RBFOX1: variants seen among roughly 807,000 people sequenced by gnomAD.
The protein encoded by RBFOX1 is RNA binding fox-1 homolog 1, also known as RNA binding protein fox-1 homolog 1.
A neutral mutation model predicts 57.7 loss-of-function variants in RBFOX1; 8 were observed. The ratio of observed to expected loss-of-function variants is 0.14; its 90% CI spans 0.08 to 0.25. The LOEUF (loss-of-function observed/expected upper bound fraction) is 0.25, where lower values mean the gene tolerates loss of function less well. Among genes scored for constraint, RBFOX1 ranks in the 10% least tolerant of loss-of-function variants. The pLI is 1.00. For missense variants in RBFOX1, 611 were observed against 548.5 expected, an observed-to-expected ratio of 1.11 and a Z score of -1.14; for synonymous variants, 326 against 222.4, an observed-to-expected ratio of 1.47 and a Z score of -4.15.
chr16:7,451,969 A>G (rs943418974), intron 4 of RBFOX1, among the ~76,000 whole-genome samples: 12 of 152,176 alleles, frequency 7.9e-5, no homozygotes, highest in African/African-American at 2.2e-4. Context: ...TTGGAAAGAG[A>G]AAGGAACAGA....
chr16:7,498,868 T>C (rs963499195), intron 4 of RBFOX1, among the ~76,000 whole-genome samples: 7 of 152,184 alleles, frequency 4.6e-5, no homozygotes, highest in Admixed American at 1.3e-4. Context: ...ATGAAAATTG[T>C]CATGCGCCCC....
intron 4 of RBFOX1, among the ~76,000 whole-genome samples, chr16:7,221,581 A>T (rs1340842316): frequency 6.6e-6 from 1 of 152,088 alleles, no homozygotes; most frequent in Non-Finnish European, 1.5e-5. Flanking sequence ...TGGCCAGGGT[A>T]GTCTTGAACT....
chr16:6,707,415 A>G (rs966482303), intron 3 of RBFOX1, among the ~76,000 whole-genome samples: 15 of 150,562 alleles, frequency 1.0e-4, no homozygotes, highest in African/African-American at 3.7e-4. Context: ...AGCTCCTACA[A>G]TTGTCTTCCT....
intron 2 of RBFOX1, among the ~76,000 whole-genome samples, chr16:6,537,102 G>C (rs763463393): frequency 6.6e-6 from 1 of 152,000 alleles, no homozygotes; most frequent in Non-Finnish European, 1.5e-5. Flanking sequence ...TCCTTCCAGC[G>C]TTCCATACCA....
intron 3 of RBFOX1, among the ~76,000 whole-genome samples, chr16:5,808,133 A>G (rs1567567715): frequency 6.6e-6 from 1 of 152,224 alleles, no homozygotes; most frequent in Non-Finnish European, 1.5e-5. Flanking sequence ...GTATGGAGAT[A>G]GGATTCCAAA....
intron 3 of RBFOX1, among the ~76,000 whole-genome samples, chr16:6,984,801 T>A (rs2089859635): frequency 6.6e-6 from 1 of 152,056 alleles, no homozygotes; most frequent in African/African-American, 2.4e-5. Flanking sequence ...CCACCACACC[T>A]GGCTAATTTT....
chr16:5,646,620 G>A (rs1596572701), intron 3 of RBFOX1, among the ~76,000 whole-genome samples: 1 of 151,968 alleles, frequency 6.6e-6, no homozygotes, highest in Non-Finnish European at 1.5e-5. Context: ...GTCTGGGCAG[G>A]TAAGGGAAGA....
intron 3 of RBFOX1, among the ~76,000 whole-genome samples, chr16:5,657,829 T>C (rs1181945946): frequency 6.6e-6 from 1 of 150,582 alleles, no homozygotes; most frequent in East Asian, 2.0e-4. Context: ...ACCTCCCAGT[T>C]CAAGCTCTTC....
At chr16:6,321,574 T>C (rs1449980287) in intron 2 of RBFOX1, among the ~76,000 whole-genome samples, 1 of 152,228 alleles carries the variant, frequency 6.6e-6, no homozygotes, top group Admixed American at 6.5e-5. Flanking sequence ...TGGTGCCTAA[T>C]GCATGCTGAT....
chr16:5,461,163 C>T (rs961632875), intron 1 of RBFOX1, among the ~76,000 whole-genome samples: 5 of 152,162 alleles, frequency 3.3e-5, no homozygotes, highest in Admixed American at 6.5e-5. Flanking sequence ...GACTGAACCC[C>T]GTCGTGGTCT....
intron 3 of RBFOX1, among the ~76,000 whole-genome samples, chr16:6,926,297 A>G (rs1316137962): frequency 6.6e-6 from 1 of 151,966 alleles, no homozygotes; most frequent in Non-Finnish European, 1.5e-5. Flanking sequence ...ACAGAGCAAG[A>G]CTCCATCTCA....
rs901050158 is a variant in RBFOX1, at chr16:5,964,455, C to T, written c.351+97120C>T. On this transcript the variant is annotated intron_variant, in intron 4 of 19. Transcript: ENST00000641259. ...TTCCATGTTTATTGCACTTTATTCA[C>T]ATTATTCACAATAGCCAAAATATGA... Among the ~76,000 whole-genome samples the T allele has an allele frequency of 3.9e-5, 6 of 152,122 alleles. No homozygotes were observed. The East Asian group carries it at 1.2e-3, about 29-fold the overall frequency.
intron 3 of RBFOX1, among the ~76,000 whole-genome samples, chr16:6,798,438 A>G (rs1044758672): frequency 9.9e-5 from 15 of 152,220 alleles, no homozygotes; most frequent in African/African-American, 2.7e-4. Context: ...AGGGAGAGAC[A>G]GAGAGCTGCT....
At chr16:5,826,281 A>G (rs149893719) in intron 3 of RBFOX1, among the ~76,000 whole-genome samples, 49 of 152,172 alleles carry the variant, frequency 3.2e-4, no homozygotes, top group South Asian at 1.5e-3. Context: ...CCTGAAATAT[A>G]CTGTGCCCCT....
intron 4 of RBFOX1, among the ~76,000 whole-genome samples, chr16:7,466,343 A>AT (rs55779314): frequency 0.92 from 139,691 of 152,270 alleles, 64,382 homozygotes; most frequent in East Asian, 1. Flanking sequence ...GTGAATGCTT[A>AT]TTTCATGCCA....
At chr16:6,385,958 T>C (rs927312582) in intron 2 of RBFOX1, among the ~76,000 whole-genome samples, 9 of 148,814 alleles carry the variant, frequency 6.0e-5, no homozygotes, top group Non-Finnish European at 1.0e-4. Context: ...TTTTTTGAGA[T>C]GGAGTCTTGC....
chr16:7,322,370 G>A lies in RBFOX1; in HGVS notation c.28-195777G>A, dbSNP rs574709644. 3.1e-4 allele frequency among the ~76,000 whole-genome samples: 47 copies of A among 152,328 alleles called. No individual in the cohort carries two copies. The South Asian group carries it at 4.8e-3, about 15-fold the overall frequency. On this transcript the variant is annotated intron_variant, in intron 4 of 15. Transcript: ENST00000550418. ...GAATGCTGACTGGCAGGTTCATAGC[G>A]TCAAAGTCACAGTGCTAGTAAACAC...
intron 4 of RBFOX1, among the ~76,000 whole-genome samples, chr16:7,085,278 A>T (rs2059818534): frequency 6.6e-6 from 1 of 152,182 alleles, no homozygotes; most frequent in Non-Finnish European, 1.5e-5. Flanking sequence ...TCACCTAAAG[A>T]GAACAGCTGC....
intron 1 of RBFOX1, among the ~76,000 whole-genome samples, chr16:6,256,173 A>ATATATG (rs1555582243): frequency 0.018 from 259 of 14,078 alleles, 20 homozygotes; most frequent in African/African-American, 0.033. Context: ...ATATATATGT[A>ATATATG]TATATATATA....
Sources: allele counts gnomAD v4.1 joint callset (sites outside exome capture counted in the v4.1 genomes callset), GRCh38; gene constraint gnomAD v4.1.1; transcripts MANE v1.5; gene names NCBI Gene and HGNC (gene_info 2026-07-23, HGNC 2026-07-21).